The following RABGAP1 variants were observed in gnomAD, a reference collection of about 807,000 sequenced individuals.
RABGAP1 encodes the protein rab GTPase-activating protein 1.
In RABGAP1, 23 loss-of-function variants were observed where a neutral mutation model predicts 137.6. The ratio of observed to expected loss-of-function variants is 0.17; its 90% confidence interval spans 0.12 to 0.24. The LOEUF is 0.24. RABGAP1 is among the 10% of genes least tolerant of loss of function. The pLI is 1.00. For missense variants in RABGAP1, 906 were observed against 1,275.8 expected (o/e 0.71, Z 4.42); for synonymous variants, 451 against 450.7 (o/e 1.00, Z -0.01).
chr9:122,997,172 C>G lies in RABGAP1; in HGVS notation c.1102-87C>G, dbSNP rs1456480410. ...CTTCCATATTCTTATATTTTTGCAG[C>G]TTCTGGTTTTTAAAGGCAGCAAGAT... On this transcript the variant is annotated intron_variant, in intron 8 of 25. Transcript: ENST00000373647. The G allele has an allele frequency of 3.2e-6, 3 of 933,062 alleles. No individual in the cohort carries two copies. The Admixed American group carries it at 7.6e-5, about 24-fold the overall frequency. 57.8% of individuals were successfully genotyped at this position (933,062 alleles called of 1,614,324 possible).
chr9:123,020,183 T>TC (rs1424163332), intron 12 of RABGAP1, 126 bp from the exon 13 acceptor site: 52 of 827,260 alleles, frequency 6.3e-5, no homozygotes, highest in African/African-American at 1.2e-4. Context: ...CACTTTTTTT[T>TC]CCCTTTATTA....
chr9:123,014,349 T>G (rs2031054624), intron 11 of RABGAP1, among the ~76,000 whole-genome samples: 1 of 152,208 alleles, frequency 6.6e-6, no homozygotes, highest in Non-Finnish European at 1.5e-5. Context: ...TAAAGTATGT[T>G]TGTGTTTTCT....
intron 6 of RABGAP1, chr9:122,990,796 A>AAAAAAAAT (rs1564384161): frequency 3.6e-5 from 1 of 27,746 alleles, no homozygotes; most frequent in Non-Finnish European, 6.9e-5. Flanking sequence ...AAAAAAAAAA[A>AAAAAAAAT]ATATATATAT....
At chr9:123,035,774 A>G in intron 13 of RABGAP1, 1 of 535,918 alleles carries the variant, frequency 1.9e-6, no homozygotes, top group Non-Finnish European at 3.2e-6. Flanking sequence ...TCGTATGGAT[A>G]CCTTCTAAGT....
At chr9:122,977,741 G>A (rs2131715448) in intron 2 of RABGAP1, among the ~76,000 whole-genome samples, 1 of 152,176 alleles carries the variant, frequency 6.6e-6, no homozygotes, top group African/African-American at 2.4e-5. Flanking sequence ...GAGGATCAGT[G>A]GCTTAAGTTT....
chr9:122,951,542 G>A (rs922163048), intron 1 of RABGAP1, among the ~76,000 whole-genome samples: 2 of 151,942 alleles, frequency 1.3e-5, no homozygotes, highest in Admixed American at 1.3e-4. Context: ...GTTAACTACA[G>A]TGCTTAAGAG....
intron 11 of RABGAP1, among the ~76,000 whole-genome samples, chr9:123,013,175 T>G (rs2030954364): frequency 6.6e-6 from 1 of 152,206 alleles, no homozygotes; most frequent in African/African-American, 2.4e-5. Context: ...TTACCATCCC[T>G]TCTAAATTTT....
At chr9:122,941,014 C>G (rs1014152800), upstream of RABGAP1, 1 of 150,460 alleles carries the variant, frequency 6.6e-6, no homozygotes, top group African/African-American at 2.5e-5. Flanking sequence ...GGGGCGGGGA[C>G]AGGGCGGTTT....
intron 13 of RABGAP1, among the ~76,000 whole-genome samples, chr9:123,042,579 T>C (rs1009436461): frequency 2.0e-5 from 3 of 152,084 alleles, no homozygotes; most frequent in Non-Finnish European, 4.4e-5. Flanking sequence ...CAATTTAAAG[T>C]ATAATAATTT....
chr9:122,967,275 T>A, intron 2 of RABGAP1, among the ~76,000 whole-genome samples: 1 of 152,088 alleles, frequency 6.6e-6, no homozygotes, highest in East Asian at 1.9e-4. Flanking sequence ...CATTAGTAAA[T>A]AGGAGATCAG....
rs377164026 is a variant in RABGAP1, at chr9:122,980,722, A to C, written c.151-3763A>C. ...AAAATCATTTGCAATTAGTCGTTTT[A>C]TCATGATGAACCATTCATATTAGAA... is the stretch of plus-strand genomic sequence containing the variant. On this transcript the variant is annotated intron_variant, in intron 2 of 25. Coordinates refer to ENST00000373647, the MANE Select transcript of RABGAP1 (RefSeq NM_012197.4). 6.9e-4 allele frequency among the ~76,000 whole-genome samples: 105 copies of C among 152,368 alleles called. No individual in the cohort carries two copies. The Middle Eastern group carries it at 0.014, about 20-fold the overall frequency.
At chr9:123,052,567 C>T (rs909222436) in intron 13 of RABGAP1, among the ~76,000 whole-genome samples, 1 of 152,190 alleles carries the variant, frequency 6.6e-6, no homozygotes, top group Non-Finnish European at 1.5e-5. Flanking sequence ...TCTCTGTCTT[C>T]ATGAAGCTTA....
intron 1 of RABGAP1, among the ~76,000 whole-genome samples, chr9:122,949,474 A>T (rs1413552358): frequency 6.6e-6 from 1 of 152,100 alleles, no homozygotes; most frequent in Non-Finnish European, 1.5e-5. Context: ...AGATCATGCC[A>T]TTGCACTCCA....
chr9:122,961,007 A>G (rs1056452340), intron 2 of RABGAP1, among the ~76,000 whole-genome samples: 6 of 152,184 alleles, frequency 3.9e-5, no homozygotes, highest in African/African-American at 1.4e-4. Flanking sequence ...GTAGAAAAAA[A>G]CAGGCTCAGA....
At chr9:123,091,386 A>G (rs1307904055) in intron 21 of RABGAP1, among the ~76,000 whole-genome samples, 3 of 152,208 alleles carry the variant, frequency 2.0e-5, no homozygotes, top group African/African-American at 4.8e-5. Context: ...TTGAAAGGCT[A>G]TGCTTTCATT....
intron 12 of RABGAP1, among the ~76,000 whole-genome samples, chr9:123,018,357 A>G (rs146306123): frequency 2.2e-3 from 339 of 152,368 alleles, no homozygotes; most frequent in African/African-American, 7.9e-3. Context: ...AATTTTATCA[A>G]TGTAAATTAA....
At chr9:123,096,196 AGTT>A (rs1340664897) in intron 21 of RABGAP1, among the ~76,000 whole-genome samples, 1 of 149,144 alleles carries the variant, frequency 6.7e-6, no homozygotes, top group African/African-American at 2.4e-5. Flanking sequence ...TTCTCCTTTT[AGTT>A]GTGTAGGGAT....
intron 13 of RABGAP1, among the ~76,000 whole-genome samples, chr9:123,058,745 C>T (rs1157046751): frequency 6.6e-6 from 1 of 152,166 alleles, no homozygotes; most frequent in Non-Finnish European, 1.5e-5. Context: ...ATGCCAGTCA[C>T]CCCTTTTTCT....
chr9:122,968,124 C>T (rs144233270), intron 2 of RABGAP1, among the ~76,000 whole-genome samples: 142 of 151,838 alleles, frequency 9.4e-4, no homozygotes, highest in African/African-American at 3.1e-3. Flanking sequence ...GAGACATTTT[C>T]GTACAGGTGT....
Sources: gnomAD v4.1 joint callset for allele counts (sites outside exome capture counted in the v4.1 genomes callset) on GRCh38, gnomAD v4.1.1 for gene constraint, MANE v1.5 for transcripts, NCBI Gene and HGNC (gene_info 2026-07-23, HGNC 2026-07-21) for gene names.